The following MACF1 variants were observed in gnomAD, a reference collection of about 807,000 sequenced individuals.
MACF1 encodes the protein microtubule actin crosslinking factor 1, also known as microtubule-actin cross-linking factor 1.
In MACF1, 193 loss-of-function variants were observed where a neutral mutation model predicts 854.8. The observed-to-expected ratio is 0.23, with a 90% CI of 0.20 to 0.25. The LOEUF is 0.25. MACF1 is among the 10% of genes least tolerant of loss of function. The pLI, the probability that MACF1 is intolerant of heterozygous loss-of-function variation, is 1.00. For missense variants in MACF1, 7,722 were observed against 8,929.1 expected, an observed-to-expected ratio of 0.86 and a Z score of 5.45; for synonymous variants, 3,185 against 3,226.7, an observed-to-expected ratio of 0.99 and a Z score of 0.44.
chr1:39,089,372 G>A (rs997520563), intron 2 of MACF1, among the ~76,000 whole-genome samples: 2 of 152,122 alleles, frequency 1.3e-5, no homozygotes, highest in Non-Finnish European at 2.9e-5. Flanking sequence ...AGCATCTATG[G>A]GATTCATTCC....
intron 35 of MACF1, among the ~76,000 whole-genome samples, chr1:39,325,208 G>A (rs1041501446): frequency 2.0e-5 from 3 of 152,342 alleles, no homozygotes; most frequent in South Asian, 2.1e-4. Flanking sequence ...GGGCTTCTCA[G>A]CCTGTTAAGG....
chr1:39,233,808 T>TTTTTTAA (rs755591226), intron 2 of MACF1, among the ~76,000 whole-genome samples: 2 of 65,772 alleles, frequency 3.0e-5, no homozygotes, highest in African/African-American at 4.3e-5. Context: ...ATTTATTTTT[T>TTTTTTAA]ATTGATAATT....
intron 67 of MACF1, 102 bp downstream of exon 67, chr1:39,432,756 T>G (rs1246754927): frequency 8.2e-7 from 1 of 1,226,682 alleles, no homozygotes. Context: ...TTTAGTGGCA[T>G]GATGGTAAAT....
intron 2 of MACF1, among the ~76,000 whole-genome samples, chr1:39,119,405 TA>T (rs1480099204): frequency 7.1e-6 from 1 of 140,750 alleles, no homozygotes; most frequent in Non-Finnish European, 1.6e-5. Context: ...AACTCCATTA[TA>T]ACATTTCTTA....
At chr1:39,184,189 G>C (rs914129365) in intron 2 of MACF1, among the ~76,000 whole-genome samples, 56 of 152,108 alleles carry the variant, frequency 3.7e-4, no homozygotes, top group African/African-American at 1.4e-3. Context: ...GCATGTCTTG[G>C]GTATACTGTG....
At chr1:39,436,251 T>G (rs1643972330) in intron 70 of MACF1, among the ~76,000 whole-genome samples, 1 of 152,206 alleles carries the variant, frequency 6.6e-6, no homozygotes, top group African/African-American at 2.4e-5. Flanking sequence ...CTACATACTT[T>G]CAACTAATAT....
At chr1:39,471,696 G>T (rs1442931924) in intron 97 of MACF1, among the ~76,000 whole-genome samples, 1 of 151,962 alleles carries the variant, frequency 6.6e-6, no homozygotes, top group Non-Finnish European at 1.5e-5. Context: ...CTAAATAATG[G>T]GTATACTTGT....
chr1:39,128,777 T>G (rs1264726765), intron 2 of MACF1, among the ~76,000 whole-genome samples: 1 of 152,202 alleles, frequency 6.6e-6, no homozygotes, highest in East Asian at 1.9e-4. Context: ...TTACTTACCT[T>G]TGAAGCTCAG....
chr1:39,220,102 G>T (rs1309416224), intron 1 of MACF1, among the ~76,000 whole-genome samples: 1 of 152,008 alleles, frequency 6.6e-6, no homozygotes, highest in Non-Finnish European at 1.5e-5. Context: ...GACACCTAGA[G>T]GACTGTGATT....
intron 97 of MACF1, 77 bp downstream of exon 97, chr1:39,469,692 C>A: frequency 8.7e-7 from 1 of 1,148,066 alleles, no homozygotes; most frequent in Non-Finnish European, 1.3e-6. Context: ...ACTGTAACAT[C>A]TCTTGGTTCT....
chr1:39,315,833 A>G, intron 27 of MACF1, 142 bp downstream of exon 27: 2 of 759,300 alleles, frequency 2.6e-6, no homozygotes, highest in Non-Finnish European at 2.0e-6. Flanking sequence ...TCTTGGCTTC[A>G]GTTCCTAGTA....
chr1:39,154,017 G>A (rs1399179833), intron 2 of MACF1: 1 of 152,198 alleles, frequency 6.6e-6, no homozygotes, highest in East Asian at 1.9e-4. Flanking sequence ...TGGGATAATA[G>A]TAGCAACTGG....
Position 39,283,909 on chromosome 1 carries a change from G to A in MACF1, c.916-157G>A, listed in dbSNP as rs1307408370. ...GAACCCCATCCTGAGAGCCCTTGAG[G>A]AGCTTTGAAGCTAGTACTGTGAGCA... On this transcript the variant is annotated intron_variant, in intron 9 of 100. Coordinates refer to ENST00000564288, the MANE Select transcript of MACF1 (RefSeq NM_001394062.1). This position sits in a 1 kb window ranked among gnomAD's most constrained non-coding sequence, Gnocchi z 4.5. 6.6e-6 allele frequency among the ~76,000 whole-genome samples: 1 copy of A among 152,162 alleles called. No individual in the cohort carries two copies. Among genetic ancestry groups the A allele is most frequent in the East Asian group, 1.9e-4 (1 of 5,194 alleles).
At chr1:39,252,626 C>T (rs567541318) in intron 4 of MACF1, among the ~76,000 whole-genome samples, 1 of 152,186 alleles carries the variant, frequency 6.6e-6, no homozygotes, top group East Asian at 1.9e-4. Context: ...TATCCTCATT[C>T]TCTGTCCTCT....
At chr1:39,442,088 GT>G in intron 75 of MACF1, 35 bp downstream of exon 75, 1 of 1,596,236 alleles carries the variant, frequency 6.3e-7, no homozygotes, top group Non-Finnish European at 8.5e-7. Context: ...AAGAAGAATT[GT>G]TTTATTATAG....
intron 52 of MACF1, among the ~76,000 whole-genome samples, chr1:39,376,923 C>A (rs896705013): frequency 2.6e-5 from 4 of 151,768 alleles, no homozygotes; most frequent in African/African-American, 4.8e-5. Flanking sequence ...GACAGGGTCT[C>A]GTGTTGCCTA....
chr1:39,102,193 AAGAGAGAGAGAGAG>A (rs61576279), intron 2 of MACF1, among the ~76,000 whole-genome samples: 18 of 148,078 alleles, frequency 1.2e-4, no homozygotes, highest in African/African-American at 7.5e-5. Flanking sequence ...AAGAAAAAGA[AAGAGAGAGAGAGAG>A]AGAGAAAGAG....
chr1:39,455,169 G>C, intron 89 of MACF1, 72 bp downstream of exon 89: 1 of 1,465,396 alleles, frequency 6.8e-7, no homozygotes, highest in South Asian at 1.3e-5. Context: ...GTTGCCCTGT[G>C]TATATGTTTT....
chr1:39,207,919 A>G (rs1203442554), intron 1 of MACF1, among the ~76,000 whole-genome samples: 1 of 151,926 alleles, frequency 6.6e-6, no homozygotes, highest in Admixed American at 6.6e-5. Context: ...GGATCACCTG[A>G]GGTCAGGAAT....
Sources: gnomAD v4.1 joint callset for allele counts (sites outside exome capture counted in the v4.1 genomes callset) on GRCh38, gnomAD v4.1.1 for gene constraint, Gnocchi (gnomAD v3.1) non-coding constraint, MANE v1.5 for transcripts, NCBI Gene and HGNC (gene_info 2026-07-23, HGNC 2026-07-21) for gene names.